Variants in ADAMTS9 observed in about 807,000 individuals in gnomAD.
The protein encoded by ADAMTS9 is ADAM metallopeptidase with thrombospondin type 1 motif 9.
Under a neutral mutation model 257.1 loss-of-function variants are expected in ADAMTS9, and 107 were observed. The ratio of observed to expected loss-of-function variants is 0.42; its 90% CI spans 0.36 to 0.49. The LOEUF (loss-of-function observed/expected upper bound fraction) is 0.49, where lower values mean the gene tolerates loss of function less well. Among genes scored for constraint, ADAMTS9 ranks in the 20% least tolerant of loss-of-function variants. ADAMTS9 has a pLI of 0.03. For synonymous variants in ADAMTS9, 982 were observed against 880.9 expected, an observed-to-expected ratio of 1.11 and a Z score of -2.03; for missense variants, 2,353 against 2,469.1, an observed-to-expected ratio of 0.95 and a Z score of 1.00.
chr3:64,540,117 A>G (rs2083101627), intron 36 of ADAMTS9, among the ~76,000 whole-genome samples: 2 of 152,246 alleles, frequency 1.3e-5, no homozygotes, highest in Admixed American at 1.3e-4. Flanking sequence ...CTGCAAGGAA[A>G]GGGGACCTTG....
At chr3:64,646,951 A>G (rs1700808968) in intron 11 of ADAMTS9, among the ~76,000 whole-genome samples, 1 of 152,194 alleles carries the variant, frequency 6.6e-6, no homozygotes, top group Non-Finnish European at 1.5e-5. Flanking sequence ...ATCAGGGAAC[A>G]GGGAATTAAG....
At chr3:64,636,315 G>T (rs1294537731) in intron 12 of ADAMTS9, among the ~76,000 whole-genome samples, 1 of 152,066 alleles carries the variant, frequency 6.6e-6, no homozygotes, top group Non-Finnish European at 1.5e-5. Flanking sequence ...TATGTGAGAG[G>T]CAATACTCCT....
chr3:64,587,915 A>G (rs570912358), intron 28 of ADAMTS9: 105 of 152,048 alleles, frequency 6.9e-4, no homozygotes, highest in Middle Eastern at 3.4e-3. Context: ...TCAGACCACA[A>G]CTCTCCACCT....
intron 30 of ADAMTS9, among the ~76,000 whole-genome samples, chr3:64,554,650 C>G (rs990940427): frequency 3.9e-5 from 6 of 152,198 alleles, no homozygotes; most frequent in Non-Finnish European, 8.8e-5. Flanking sequence ...TTAGAAAAAT[C>G]TCTAACACAA....
rs760475340 is a variant in ADAMTS9 at position 64,686,200 on chromosome 3, A to G, written c.516+368T>C. On this transcript the variant is annotated intron_variant, in intron 2 of 39. Coordinates refer to ENST00000498707, the MANE Select transcript of ADAMTS9 (RefSeq NM_182920.2). The surrounding 1 kb of genome is among the most constrained non-coding windows in gnomAD (Gnocchi z 4.6). ...AAGGAGTCTGGTCCGCCCTGCGCTCAGCGGCTCCGCTCCCGGGTGGCCAAG... is the reference window on the plus strand; with the variant it reads ...AAGGAGTCTGGTCCGCCCTGCGCTCGGCGGCTCCGCTCCCGGGTGGCCAAG... 7.2e-5 allele frequency among the ~76,000 whole-genome samples: 11 copies of G among 152,244 alleles called. No individual in the cohort carries two copies. Among genetic ancestry groups the G allele is most frequent in the Non-Finnish European group, 1.5e-4 (10 of 68,046 alleles).
Position 64,631,486 on chromosome 3 carries a change from G to A in ADAMTS9, c.2358C>T (p.Phe786=), listed in dbSNP as rs145243531. 1 of 1,614,104 alleles carries A rather than the reference G, an allele frequency of 6.2e-7. No homozygotes were observed. The highest frequency in any genetic ancestry group is 8.5e-7 in the Non-Finnish European group (1 of 1,179,954). ...ATNIDVRQHS[F]SGETDDDNYL... is the part of the protein sequence containing the mutation. ...AGTTGTCATCGTCTGTTTCCCCTGA[G>A]AAACTGTGCTGCCGCACATCAATAT... The change falls in exon 16 of 40, where the codon TTC becomes TTT. Residue 786 remains phenylalanine (F), a synonymous_variant. Transcript: ENST00000498707.
intron 3 of ADAMTS9, among the ~76,000 whole-genome samples, chr3:64,662,111 T>C (rs1055367574): frequency 6.6e-6 from 1 of 152,062 alleles, no homozygotes. Flanking sequence ...TGTTTTGGTA[T>C]GTTGAGTCTT....
intron 28 of ADAMTS9, among the ~76,000 whole-genome samples, chr3:64,575,218 G>GA (rs1332236636): frequency 2.0e-5 from 3 of 152,104 alleles, no homozygotes; most frequent in Non-Finnish European, 2.9e-5. Flanking sequence ...ATTCACCAAG[G>GA]AAAAATCTCT....
chr3:64,662,397 A>G (rs962468744), intron 3 of ADAMTS9, among the ~76,000 whole-genome samples: 10 of 152,074 alleles, frequency 6.6e-5, no homozygotes, highest in African/African-American at 2.4e-4. Context: ...TAACGTGTCC[A>G]ATAGATATCT....
intron 29 of ADAMTS9, among the ~76,000 whole-genome samples, chr3:64,566,246 C>G (rs1011762118): frequency 2.0e-5 from 3 of 152,200 alleles, no homozygotes; most frequent in African/African-American, 7.2e-5. Context: ...TCATGCAGAC[C>G]GTCTTTCTCC....
At chr3:64,597,862 T>C (rs1383908392) in intron 26 of ADAMTS9, among the ~76,000 whole-genome samples, 3 of 152,222 alleles carry the variant, frequency 2.0e-5, no homozygotes, top group African/African-American at 7.2e-5. Context: ...AGTTTGCCTA[T>C]AAAATAATCA....
intron 30 of ADAMTS9, among the ~76,000 whole-genome samples, chr3:64,558,090 G>A (rs2083364572): frequency 6.6e-6 from 1 of 152,150 alleles, no homozygotes; most frequent in Non-Finnish European, 1.5e-5. Context: ...TTACAACCCA[G>A]TAAAGGGAAT....
intron 26 of ADAMTS9, among the ~76,000 whole-genome samples, chr3:64,600,451 G>A (rs1411881701): frequency 3.9e-5 from 6 of 152,178 alleles, no homozygotes; most frequent in Non-Finnish European, 2.9e-5. Context: ...TCCCTAATTG[G>A]GAGCTCTGCC....
chr3:64,596,780 T>A (rs1474096843), intron 27 of ADAMTS9, 50 bp downstream of exon 27: 76 of 1,601,446 alleles, frequency 4.7e-5, no homozygotes, highest in Non-Finnish European at 6.3e-5. Flanking sequence ...ATAAATACAG[T>A]TTGGTTAACA....
chr3:64,548,593 A>T (rs1223694877), intron 31 of ADAMTS9, among the ~76,000 whole-genome samples: 1 of 80,062 alleles, frequency 1.2e-5, no homozygotes, highest in Non-Finnish European at 4.9e-5. Context: ...CTGGCTATTT[A>T]TGTGGGGGGG....
intron 8 of ADAMTS9, among the ~76,000 whole-genome samples, chr3:64,653,188 T>G (rs2106952312): frequency 6.6e-6 from 1 of 152,320 alleles, no homozygotes; most frequent in South Asian, 2.1e-4. Context: ...CTTTAATTAC[T>G]TGATCAAGTC....
intron 12 of ADAMTS9, among the ~76,000 whole-genome samples, chr3:64,639,048 A>G (rs1700570990): frequency 6.6e-6 from 1 of 152,112 alleles, no homozygotes; most frequent in Non-Finnish European, 1.5e-5. Flanking sequence ...AACCACTTCT[A>G]CGTTCTACAT....
chr3:64,561,808 G>A (rs908498409), intron 29 of ADAMTS9, 57 bp from the exon 30 acceptor site: 4 of 1,203,708 alleles, frequency 3.3e-6, no homozygotes, highest in East Asian at 3.2e-5. Flanking sequence ...TTGGGGGGGC[G>A]GGGGGTGTCG....
intron 2 of ADAMTS9, among the ~76,000 whole-genome samples, chr3:64,683,889 C>A (rs1026437389): frequency 2.6e-5 from 4 of 152,018 alleles, no homozygotes; most frequent in Admixed American, 6.5e-5. Context: ...ATAAGAGAGA[C>A]TCTCAGAAGT....
Sources: gnomAD v4.1 joint callset for allele counts (sites outside exome capture counted in the v4.1 genomes callset) on GRCh38, gnomAD v4.1.1 for gene constraint, Gnocchi (gnomAD v3.1) non-coding constraint, MANE v1.5 for transcripts, NCBI Gene and HGNC (gene_info 2026-07-23, HGNC 2026-07-21) for gene names.